The following PARD3B variants were observed in gnomAD, a reference collection of about 807,000 sequenced individuals.
PARD3B encodes the protein par-3 family cell polarity regulator beta, also known as partitioning defective 3 homolog B.
A neutral mutation model predicts 130.2 loss-of-function variants in PARD3B; 103 were observed. The ratio of observed to expected loss-of-function variants is 0.79; its 90% CI spans 0.67 to 0.93. PARD3B has a LOEUF of 0.93. PARD3B is among the 40% of genes least tolerant of loss of function. The pLI is 0.00. For missense variants in PARD3B, 1,609 were observed against 1,499.2 expected, an observed-to-expected ratio of 1.07 and a Z score of -1.21; for synonymous variants, 583 against 553.2, an observed-to-expected ratio of 1.05 and a Z score of -0.76.
chr2:204,867,105 G>C (rs1204354774), intron 2 of PARD3B, among the ~76,000 whole-genome samples: 1 of 151,904 alleles, frequency 6.6e-6, no homozygotes, highest in Non-Finnish European at 1.5e-5. Context: ...AAATAAAATT[G>C]TCCTTATCAA....
At chr2:204,699,598 T>C (rs1038812707) in intron 2 of PARD3B, among the ~76,000 whole-genome samples, 1 of 152,064 alleles carries the variant, frequency 6.6e-6, no homozygotes, top group Non-Finnish European at 1.5e-5. Context: ...GAAAAATAAG[T>C]AATTTGCAGA....
At chr2:205,532,264 T>A (rs2051631988) in intron 21 of PARD3B, among the ~76,000 whole-genome samples, 2 of 152,214 alleles carry the variant, frequency 1.3e-5, no homozygotes, top group South Asian at 4.1e-4. Context: ...TTAGAGGCTT[T>A]AAAAATATAC....
At chr2:204,714,434 C>G (rs1379824390) in intron 2 of PARD3B, among the ~76,000 whole-genome samples, 2 of 151,800 alleles carry the variant, frequency 1.3e-5, no homozygotes, top group East Asian at 1.9e-4. Flanking sequence ...TAAGATCTGC[C>G]CATTCAGAGA....
At chr2:205,205,247 G>C (rs2037220776) in intron 15 of PARD3B, among the ~76,000 whole-genome samples, 1 of 152,106 alleles carries the variant, frequency 6.6e-6, no homozygotes, top group African/African-American at 2.4e-5. Context: ...TTGGCTCTCT[G>C]TCTGTTACTG....
chr2:204,633,173 A>G (rs1298753814), intron 1 of PARD3B, among the ~76,000 whole-genome samples: 2 of 152,142 alleles, frequency 1.3e-5, no homozygotes, highest in Non-Finnish European at 2.9e-5. Flanking sequence ...TAGCTTGGGG[A>G]ATTTTTAATA....
At chr2:204,983,495 G>A (rs1330526531) in intron 3 of PARD3B, among the ~76,000 whole-genome samples, 1 of 152,134 alleles carries the variant, frequency 6.6e-6, no homozygotes, top group Non-Finnish European at 1.5e-5. Context: ...AATGTATTTA[G>A]TTGAGAATTA....
rs1268748467 is a variant in PARD3B at position 205,618,449 on chromosome 2, T to C, written c.*2636T>C. 1 of 152,194 alleles carries C rather than the reference T, an allele frequency of 6.6e-6. No individual in the cohort carries two copies. The highest frequency in any genetic ancestry group is 1.5e-5 in the Non-Finnish European group (1 of 68,046). The allele number at this position is 152,194 out of a possible 1,614,324, so 9.4% of individuals were successfully genotyped here. A position where few individuals can be genotyped will look rare whatever the true frequency, so the allele number is the denominator to read the frequency against. ...TAGAAGACCAGGCTATAATCAGTAATGTGCCTGGGAGCAGGAAATAGCTCC... is the reference window on the plus strand; with the variant it reads ...TAGAAGACCAGGCTATAATCAGTAACGTGCCTGGGAGCAGGAAATAGCTCC... On this transcript the variant is annotated 3_prime_UTR_variant, in exon 23 of 23. Transcript: ENST00000406610.
At chr2:205,538,488 C>CACAT (rs1383643072) in intron 21 of PARD3B, among the ~76,000 whole-genome samples, 1 of 151,158 alleles carries the variant, frequency 6.6e-6, no homozygotes, top group Non-Finnish European at 1.5e-5. Flanking sequence ...CACACACACA[C>CACAT]ACACATGCAT....
At chr2:205,489,579 CAT>C (rs1253354792) in intron 20 of PARD3B, among the ~76,000 whole-genome samples, 3 of 64,506 alleles carry the variant, frequency 4.7e-5, no homozygotes, top group Admixed American at 2.9e-4. Flanking sequence ...CACACACACA[CAT>C]ATATATGGCA....
intron 2 of PARD3B, among the ~76,000 whole-genome samples, chr2:204,931,189 A>AG (rs1395456961): frequency 1.3e-5 from 2 of 152,082 alleles, no homozygotes; most frequent in African/African-American, 4.8e-5. Context: ...AGCACTTTGG[A>AG]GTCAAATTGC....
chr2:204,764,715 C>CAT (rs60298501), intron 2 of PARD3B, among the ~76,000 whole-genome samples: 2 of 145,644 alleles, frequency 1.4e-5, no homozygotes, highest in African/African-American at 5.1e-5. Context: ...GGCATGCATG[C>CAT]GTGTGTGTGT....
intron 2 of PARD3B, among the ~76,000 whole-genome samples, chr2:204,725,841 G>C (rs2039201032): frequency 6.6e-6 from 1 of 152,188 alleles, no homozygotes; most frequent in African/African-American, 2.4e-5. Flanking sequence ...AATGTTTCAA[G>C]GACAATTCTG....
intron 21 of PARD3B, among the ~76,000 whole-genome samples, chr2:205,512,765 AG>A (rs1483018106): frequency 6.6e-6 from 1 of 152,124 alleles, no homozygotes; most frequent in African/African-American, 2.4e-5. Flanking sequence ...CAGAAACAGA[AG>A]GAAATGTTGT....
intron 18 of PARD3B, among the ~76,000 whole-genome samples, chr2:205,359,364 T>C (rs1355087107): frequency 5.3e-5 from 8 of 152,236 alleles, no homozygotes; most frequent in African/African-American, 1.9e-4. Flanking sequence ...GGAAATCTTA[T>C]GCATGTACTC....
intron 1 of PARD3B, among the ~76,000 whole-genome samples, chr2:204,598,498 A>T (rs2033384993): frequency 6.6e-6 from 1 of 152,224 alleles, no homozygotes; most frequent in Non-Finnish European, 1.5e-5. Flanking sequence ...CCTCATCTGT[A>T]ATATGGGGAT....
At position 204,610,494 on chromosome 2, in the gene PARD3B, T is replaced by A. The variant is rs1247542250; in HGVS notation, c.120+64375T>A. Among the ~76,000 whole-genome samples, 2 of 152,164 alleles carry A rather than the reference T, an allele frequency of 1.3e-5. No individual in the cohort carries two copies. The highest frequency in any genetic ancestry group is 2.9e-5 in the Non-Finnish European group (2 of 68,026). On this transcript the variant is annotated intron_variant, in intron 1 of 22. Transcript: ENST00000406610. This position sits in a 1 kb window ranked among gnomAD's most constrained non-coding sequence, Gnocchi z 4.1. ...CGTCAGCCTCCCGAGTGGCTGGGAT[T>A]ACAGATGCACACCACCATGCCCAGC...
At chr2:205,054,721 T>C (rs1699527068) in intron 4 of PARD3B, among the ~76,000 whole-genome samples, 1 of 151,938 alleles carries the variant, frequency 6.6e-6, no homozygotes, top group Non-Finnish European at 1.5e-5. Context: ...ATCCCTTAGA[T>C]GCCCAAGATT....
intron 2 of PARD3B, among the ~76,000 whole-genome samples, chr2:204,791,775 T>C (rs2042214395): frequency 6.6e-6 from 1 of 152,250 alleles, no homozygotes; most frequent in Admixed American, 6.5e-5. Context: ...ATTAACCTTG[T>C]CTACATACCT....
At chr2:204,956,516 T>TG (rs1553567470) in intron 2 of PARD3B, among the ~76,000 whole-genome samples, 1 of 148,126 alleles carries the variant, frequency 6.8e-6, no homozygotes, top group African/African-American at 2.5e-5. Flanking sequence ...GAAAAACTAC[T>TG]TGTGTGTGTG....
Sources: allele counts gnomAD v4.1 joint callset (sites outside exome capture counted in the v4.1 genomes callset), GRCh38; gene constraint gnomAD v4.1.1; non-coding constraint Gnocchi (gnomAD v3.1); transcripts MANE v1.5; gene names NCBI Gene and HGNC (gene_info 2026-07-23, HGNC 2026-07-21).